The following TENM2 variants were observed in gnomAD, a reference collection of about 807,000 sequenced individuals.
TENM2 encodes teneurin transmembrane protein 2.
Under a neutral mutation model 245.2 loss-of-function variants are expected in TENM2, and 52 were observed. The ratio of observed to expected loss-of-function variants is 0.21; its 90% CI spans 0.17 to 0.27. The LOEUF is 0.27. TENM2 is among the 10% of genes least tolerant of loss of function. TENM2 has a pLI of 1.00. For missense variants in TENM2, 3,046 were observed against 3,666.8 expected (o/e 0.83, Z 4.37); for synonymous variants, 1,363 against 1,438.9 (o/e 0.95, Z 1.19).
At chr5:168,095,998 A>C (rs570703456) in intron 8 of TENM2, among the ~76,000 whole-genome samples, 1 of 152,186 alleles carries the variant, frequency 6.6e-6, no homozygotes, top group Admixed American at 6.5e-5. Context: ...CAGGAGAAAA[A>C]TCCTGAGCTT....
chr5:167,528,030 G>T (rs1771237731), intron 2 of TENM2, among the ~76,000 whole-genome samples: 1 of 152,104 alleles, frequency 6.6e-6, no homozygotes, highest in African/African-American at 2.4e-5. Flanking sequence ...GCCTTACAAG[G>T]TATTCAGTAT....
chr5:167,931,554 A>G (rs1418954096), intron 3 of TENM2, among the ~76,000 whole-genome samples: 12 of 139,764 alleles, frequency 8.6e-5, no homozygotes, highest in African/African-American at 3.1e-4. Flanking sequence ...CCCATTGGAA[A>G]AAAAAAAAAA....
chr5:168,159,867 A>T (rs1195540173), intron 12 of TENM2, among the ~76,000 whole-genome samples: 1 of 151,942 alleles, frequency 6.6e-6, no homozygotes, highest in Non-Finnish European at 1.5e-5. Context: ...AGAAGGGGTT[A>T]AAAAAAAGCC....
At chr5:168,210,870 A>G in intron 19 of TENM2, among the ~76,000 whole-genome samples, 1 of 152,140 alleles carries the variant, frequency 6.6e-6, no homozygotes, top group Non-Finnish European at 1.5e-5. Flanking sequence ...AGACCTTGGC[A>G]TCTTCTCGTC....
the TENM2 span, among the ~76,000 whole-genome samples, chr5:167,124,856 A>C: frequency 1.9e-4 from 29 of 152,336 alleles, no homozygotes; most frequent in African/African-American, 6.7e-4. Flanking sequence ...CATTATTTGT[A>C]AGATCTAAGA....
chr5:168,031,767 G>A (rs1019336412), intron 5 of TENM2, among the ~76,000 whole-genome samples: 5 of 147,420 alleles, frequency 3.4e-5, no homozygotes, highest in South Asian at 2.2e-4. Flanking sequence ...AAAGGAGGAA[G>A]GGAAGGAGGG....
intron 3 of TENM2, among the ~76,000 whole-genome samples, chr5:167,917,307 G>T (rs964514456): frequency 1.3e-5 from 2 of 151,886 alleles, no homozygotes; most frequent in Non-Finnish European, 2.9e-5. Context: ...AAAAAGAAAG[G>T]GGCAATTAGC....
At chr5:166,993,488 A>G in the TENM2 span, among the ~76,000 whole-genome samples, 17 of 152,280 alleles carry the variant, frequency 1.1e-4, no homozygotes, top group South Asian at 8.3e-4. Context: ...CCAGGACCCA[A>G]CTGTCAGCAG....
At chr5:168,098,560 T>C (rs145361646) in intron 9 of TENM2, among the ~76,000 whole-genome samples, 78 of 152,250 alleles carry the variant, frequency 5.1e-4, no homozygotes, top group African/African-American at 1.8e-3. Context: ...CGGTTTTAAA[T>C]TGTATTATTA....
chr5:167,014,509 A>C, the TENM2 span, among the ~76,000 whole-genome samples: 1 of 152,160 alleles, frequency 6.6e-6, no homozygotes, highest in Non-Finnish European at 1.5e-5. Context: ...TGGCAGGTCT[A>C]TATTCAAAAT....
At chr5:168,184,666 C>T (rs1457396553) in intron 13 of TENM2, among the ~76,000 whole-genome samples, 1 of 152,208 alleles carries the variant, frequency 6.6e-6, no homozygotes, top group Non-Finnish European at 1.5e-5. Flanking sequence ...CAGCCTCCTC[C>T]AGGCAGAAAG....
chr5:167,417,305 A>G (rs908442654), intron 2 of TENM2, among the ~76,000 whole-genome samples: 6 of 152,120 alleles, frequency 3.9e-5, no homozygotes, highest in South Asian at 4.1e-4. Flanking sequence ...AGCACAGTCC[A>G]TCCCTGGCCC....
At chr5:167,916,052 A>G (rs1393671130) in intron 3 of TENM2, among the ~76,000 whole-genome samples, 1 of 152,230 alleles carries the variant, frequency 6.6e-6, no homozygotes, top group Non-Finnish European at 1.5e-5. Flanking sequence ...GATGAGGATT[A>G]AAGAAGCTAA....
the TENM2 span, among the ~76,000 whole-genome samples, chr5:167,009,141 T>C: frequency 1.4e-5 from 2 of 139,168 alleles, no homozygotes; most frequent in Admixed American, 1.4e-4. Flanking sequence ...AAGTTAAATT[T>C]AAGGCTTGAA....
intron 1 of TENM2, among the ~76,000 whole-genome samples, chr5:167,295,151 T>C (rs1204488978): frequency 6.6e-6 from 1 of 152,210 alleles, no homozygotes; most frequent in Non-Finnish European, 1.5e-5. Flanking sequence ...TTTAGTGGCT[T>C]GTTTCCTGTT....
intron 25 of TENM2, among the ~76,000 whole-genome samples, chr5:168,230,553 C>T (rs545852059): frequency 5.3e-5 from 8 of 152,236 alleles, no homozygotes; most frequent in Middle Eastern, 3.4e-3. Context: ...GAGTTTGCAG[C>T]CCCTAAGCCG....
At chr5:167,402,603 C>T (rs990567049) in intron 2 of TENM2, among the ~76,000 whole-genome samples, 1 of 150,778 alleles carries the variant, frequency 6.6e-6, no homozygotes, top group African/African-American at 2.4e-5. Flanking sequence ...AGTGTAGATT[C>T]TCTCTTTCTC....
rs948860836 is a variant in TENM2 at position 167,599,217 on chromosome 5, G to C, written c.502+223744G>C. On this transcript the variant is annotated intron_variant, in intron 2 of 28. Transcript: ENST00000518659. ...TAGGGCTTGGGAAATTTTTTGGGCT[G>C]AGTGTGTGTTGTCTTATTAGGTAGG... Among the ~76,000 whole-genome samples the C allele has an allele frequency of 4.6e-5, 7 of 152,306 alleles. No individual in the cohort carries two copies. The South Asian group carries it at 1.4e-3, about 32-fold the overall frequency.
chr5:167,999,590 G>A (rs1409359046), intron 5 of TENM2, among the ~76,000 whole-genome samples: 4 of 152,194 alleles, frequency 2.6e-5, no homozygotes, highest in Admixed American at 6.5e-5. Flanking sequence ...TTTGTACCTC[G>A]TGTTTGACAT....
Sources: gnomAD v4.1 joint callset for allele counts (sites outside exome capture counted in the v4.1 genomes callset) on GRCh38, gnomAD v4.1.1 for gene constraint, MANE v1.5 for transcripts, NCBI Gene and HGNC (gene_info 2026-07-23, HGNC 2026-07-21) for gene names.